The following IFNG-AS1 variants were observed in gnomAD, a reference collection of about 807,000 sequenced individuals.
IFNG-AS1 encodes the protein IFNG regulatory antisense RNA 1, also known as IFNG antisense RNA 1 (non-protein coding).
chr12:68,005,475 C>G (rs1405568108), intron 2 of IFNG-AS1, among the ~76,000 whole-genome samples: 1 of 152,102 alleles, frequency 6.6e-6, no homozygotes, highest in Non-Finnish European at 1.5e-5. Flanking sequence ...GTGTTAGGCT[C>G]AAACAGCAAA....
At chr12:68,012,057 G>A (rs1282214518) in intron 3 of IFNG-AS1, among the ~76,000 whole-genome samples, 5 of 152,042 alleles carry the variant, frequency 3.3e-5, no homozygotes, top group Admixed American at 6.5e-5. Context: ...AAAAAAGCCC[G>A]CCTCCTGAGC....
chr12:68,006,862 C>A (rs577689081), intron 3 of IFNG-AS1, among the ~76,000 whole-genome samples: 1 of 152,166 alleles, frequency 6.6e-6, no homozygotes, highest in Non-Finnish European at 1.5e-5. Flanking sequence ...GATCCCTTGA[C>A]GGCAGCTTTG....
chr12:68,007,608 A>G (rs889515989), intron 3 of IFNG-AS1, among the ~76,000 whole-genome samples: 2 of 152,250 alleles, frequency 1.3e-5, no homozygotes, highest in African/African-American at 2.4e-5. Flanking sequence ...AGATTCAAAT[A>G]TCAGTCACAG....
At chr12:68,009,384 C>G (rs1879975109) in intron 3 of IFNG-AS1, among the ~76,000 whole-genome samples, 1 of 152,050 alleles carries the variant, frequency 6.6e-6, no homozygotes, top group Non-Finnish European at 1.5e-5. Flanking sequence ...GCTCTGTTGC[C>G]CAGGCTGGAG....
chr12:68,014,284 G>GA (rs1880097697), intron 3 of IFNG-AS1, among the ~76,000 whole-genome samples: 1 of 152,118 alleles, frequency 6.6e-6, no homozygotes, highest in African/African-American at 2.4e-5. Context: ...ATGACATCTT[G>GA]TCCTCTGGGT....
intron 2 of IFNG-AS1, among the ~76,000 whole-genome samples, chr12:68,005,715 G>C (rs1879891140): frequency 6.6e-6 from 1 of 152,142 alleles, no homozygotes; most frequent in African/African-American, 2.4e-5. Context: ...GGGAAGAAGG[G>C]AGGCAGATAC....
intron 3 of IFNG-AS1, among the ~76,000 whole-genome samples, chr12:68,012,283 G>A (rs1880050136): frequency 6.6e-6 from 1 of 152,114 alleles, no homozygotes; most frequent in African/African-American, 2.4e-5. Context: ...GGAGAGATGA[G>A]TTTGCAAATG....
intron 3 of IFNG-AS1, among the ~76,000 whole-genome samples, chr12:68,014,576 G>A (rs1453722346): frequency 6.6e-6 from 1 of 152,060 alleles, no homozygotes; most frequent in Non-Finnish European, 1.5e-5. Context: ...ATGTTTGTTG[G>A]CCATTTGTAT....
At chr12:67,998,212 T>C in intron 2 of IFNG-AS1, among the ~76,000 whole-genome samples, 1 of 152,058 alleles carries the variant, frequency 6.6e-6, no homozygotes, top group East Asian at 1.9e-4. Flanking sequence ...TTGTTGTTAT[T>C]GCAAAATATT....
chr12:68,004,859 T>C (rs1328289645), intron 2 of IFNG-AS1, among the ~76,000 whole-genome samples: 1 of 152,212 alleles, frequency 6.6e-6, no homozygotes, highest in Non-Finnish European at 1.5e-5. Context: ...CTTAGCGGGA[T>C]GCATATACTA....
At chr12:67,990,458 C>A (rs987026419) in intron 1 of IFNG-AS1, among the ~76,000 whole-genome samples, 10 of 152,090 alleles carry the variant, frequency 6.6e-5, no homozygotes, top group African/African-American at 2.4e-4. Context: ...ATTAAGGGAA[C>A]AAAGTTAAGA....
At chr12:68,001,523 A>G in intron 2 of IFNG-AS1, 1 of 237,380 alleles carries the variant, frequency 4.2e-6, no homozygotes, top group Non-Finnish European at 8.5e-6. Flanking sequence ...AAATCGCTTG[A>G]TACTGAAAAC....
At chr12:68,004,759 C>T (rs1879868530) in intron 2 of IFNG-AS1, among the ~76,000 whole-genome samples, 1 of 152,204 alleles carries the variant, frequency 6.6e-6, no homozygotes, top group South Asian at 2.1e-4. Context: ...TCTCACCTCA[C>T]ACATTAACAA....
At chr12:67,998,088 A>C (rs1470799943) in intron 2 of IFNG-AS1, among the ~76,000 whole-genome samples, 1 of 152,082 alleles carries the variant, frequency 6.6e-6, no homozygotes, top group East Asian at 1.9e-4. Flanking sequence ...AATGCCTAAG[A>C]AACTACACAT....
chr12:67,990,009 A>G (rs1354320509), intron 1 of IFNG-AS1, among the ~76,000 whole-genome samples: 1 of 152,170 alleles, frequency 6.6e-6, no homozygotes, highest in Non-Finnish European at 1.5e-5. Flanking sequence ...TGGGCGCCGT[A>G]CTCAGTTTTA....
chr12:68,014,978 A>G (rs1157729361), intron 3 of IFNG-AS1, among the ~76,000 whole-genome samples: 2 of 152,200 alleles, frequency 1.3e-5, no homozygotes, highest in Non-Finnish European at 2.9e-5. Flanking sequence ...AGATTTTGAG[A>G]TAAAGGGCAA....
chr12:68,016,106 T>C (rs1880150340), intron 3 of IFNG-AS1, among the ~76,000 whole-genome samples: 1 of 152,186 alleles, frequency 6.6e-6, no homozygotes, highest in Non-Finnish European at 1.5e-5. Context: ...CTATAAATTA[T>C]GCATTTAGTC....
chr12:68,017,304 G>C (rs573990625), intron 3 of IFNG-AS1, among the ~76,000 whole-genome samples: 60 of 152,294 alleles, frequency 3.9e-4, no homozygotes, highest in Middle Eastern at 3.4e-3. Flanking sequence ...TGAAGGTTTG[G>C]GTTGAATTCC....
intron 3 of IFNG-AS1, among the ~76,000 whole-genome samples, chr12:68,016,794 C>T (rs1013025115): frequency 3.9e-5 from 6 of 152,142 alleles, no homozygotes; most frequent in African/African-American, 1.2e-4. Flanking sequence ...TAAATCCAAT[C>T]GCTTCTTTTC....
Sources: allele counts gnomAD v4.1 joint callset (sites outside exome capture counted in the v4.1 genomes callset), GRCh38; gene constraint gnomAD v4.1.1; transcripts MANE v1.5; gene names NCBI Gene and HGNC (gene_info 2026-07-23, HGNC 2026-07-21).